KNDC1: variants seen among roughly 807,000 people sequenced by gnomAD.
KNDC1 encodes kinase non-catalytic C-lobe domain-containing protein 1.
KNDC1 carries 106 observed loss-of-function variants against 172.8 expected under a neutral mutation model. The observed-to-expected ratio is 0.61, with a 90% CI of 0.52 to 0.72. The LOEUF (loss-of-function observed/expected upper bound fraction) is 0.72, where lower values mean the gene tolerates loss of function less well. Ranked by LOEUF, KNDC1 falls within the 30% of genes least tolerant of loss-of-function variation. KNDC1 has a pLI of 0.00. For missense variants in KNDC1, 2,325 were observed against 2,394.5 expected (o/e 0.97, Z 0.61); for synonymous variants, 1,083 against 1,062.2 (o/e 1.02, Z -0.38).
chr10:133,185,162 G>A (rs910697574), intron 5 of KNDC1, among the ~76,000 whole-genome samples: 1 of 121,728 alleles, frequency 8.2e-6, no homozygotes, highest in Non-Finnish European at 1.9e-5. Flanking sequence ...GAGGGGCGCA[G>A]TGTGGAGTAG....
chr10:133,173,144 A>G (rs927633016), intron 3 of KNDC1, among the ~76,000 whole-genome samples: 22 of 152,142 alleles, frequency 1.4e-4, no homozygotes, highest in African/African-American at 4.1e-4. Flanking sequence ...GGTCACCCCA[A>G]TTCTCTGATT....
At chr10:133,181,330 G>A (rs779000655) in intron 3 of KNDC1, among the ~76,000 whole-genome samples, 5 of 152,242 alleles carry the variant, frequency 3.3e-5, no homozygotes, top group Non-Finnish European at 5.9e-5. Context: ...GCCCAGGCAC[G>A]AGAGGCTGGC....
intron 29 of KNDC1, among the ~76,000 whole-genome samples, chr10:133,220,562 T>A (rs111730794): frequency 9.2e-4 from 18 of 19,474 alleles, no homozygotes; most frequent in East Asian, 2.2e-3. Context: ...CGCGCCCAGG[T>A]GAGGAGGGGC....
Position 133,206,712 on chromosome 10 carries a change from A to G in KNDC1, c.3415A>G (p.Lys1139Glu), listed in dbSNP as rs1845203728. Residue 1139 changes from lysine to glutamate, a missense_variant, in exon 18 of 30, where the codon AAA (lysine) becomes GAA (glutamate). Coordinates refer to ENST00000304613, the MANE Select transcript of KNDC1 (RefSeq NM_152643.8). ...GCTGGAACAGCAGCTCATGATGGAG[A>G]AAAGAAACTACCGCAAGACCCTGAA... ...PELEQQLMME[K>E]RNYRKTLKFY... 6.2e-7 allele frequency: 1 copy of G among 1,613,886 alleles called. No individual in the cohort carries two copies. The highest frequency in any genetic ancestry group is 1.3e-5 in the African/African-American group (1 of 74,934).
chr10:133,184,276 C>A (rs1853821763), intron 5 of KNDC1, among the ~76,000 whole-genome samples: 1 of 57,302 alleles, frequency 1.7e-5, no homozygotes, highest in Non-Finnish European at 4.9e-5. Context: ...CACCCATGCA[C>A]ACACACGCTG....
chr10:133,197,827 C>A, intron 12 of KNDC1, 59 bp downstream of exon 12: 1 of 1,272,116 alleles, frequency 7.9e-7, no homozygotes, highest in Non-Finnish European at 1.1e-6. Flanking sequence ...ACCACAGCTG[C>A]CCCCACCTCT....
Position 133,219,823 on chromosome 10 carries a change from G to A in KNDC1, c.4861-132G>A, listed in dbSNP as rs902103348. Reference sequence around the variant, plus strand: ...ATTCGGGACTGGAAGCTAATTCAGAGAGCCGGGTAGACCCCGTGCGTGGAG... The same window carrying A: ...ATTCGGGACTGGAAGCTAATTCAGAAAGCCGGGTAGACCCCGTGCGTGGAG... On this transcript the variant is annotated intron_variant, in intron 28 of 29. Transcript: ENST00000304613. 3.4e-6 allele frequency: 3 copies of A among 876,470 alleles called. No individual in the cohort carries two copies. The African/African-American group carries it at 5.1e-5, about 15-fold the overall frequency. The allele number at this position is 876,470 out of a possible 1,614,324, so 54.3% of individuals were successfully genotyped here.
chr10:133,166,017 G>A (rs186197465), intron 1 of KNDC1, among the ~76,000 whole-genome samples: 26 of 152,338 alleles, frequency 1.7e-4, no homozygotes, highest in Middle Eastern at 3.4e-3. Flanking sequence ...AGGCCCCACC[G>A]GGCGCCCATG....
Position 133,209,363 on chromosome 10 carries a change from TG to T in KNDC1, c.3795-1247del, listed in dbSNP as rs1400044767. ...CGGTGTGGGGTATAGTGTGTGCACA[TG>T]TGGTGTGAGGTATAGTGTGGCATGT... On this transcript the variant is annotated intron_variant, in intron 20 of 29. Coordinates refer to ENST00000304613, the MANE Select transcript of KNDC1 (RefSeq NM_152643.8). The surrounding 1 kb of genome is among the most constrained non-coding windows in gnomAD (Gnocchi z 4.9). Among the ~76,000 whole-genome samples the T allele has an allele frequency of 4.6e-5, 7 of 150,678 alleles. No individual in the cohort carries two copies. The highest frequency in any genetic ancestry group is 1.5e-4 in the African/African-American group (6 of 40,826).
chr10:133,217,439 G>A (rs142466864), intron 26 of KNDC1, among the ~76,000 whole-genome samples: 3,252 of 152,306 alleles, frequency 0.021, 42 homozygotes, highest in Middle Eastern at 0.034. Flanking sequence ...AGTTGAGCCC[G>A]GGGGCAGGCG....
At chr10:133,184,294 A>G (rs1002940668) in intron 5 of KNDC1, among the ~76,000 whole-genome samples, 2 of 116,074 alleles carry the variant, frequency 1.7e-5, no homozygotes, top group African/African-American at 5.6e-5. Context: ...CTGCACACAC[A>G]CCCATGCACA....
intron 21 of KNDC1, among the ~76,000 whole-genome samples, chr10:133,210,926 C>T (rs989310176): frequency 1.3e-4 from 20 of 152,202 alleles, no homozygotes; most frequent in Non-Finnish European, 2.1e-4. Context: ...GGCAGGAGGG[C>T]GGTGGCCTGG....
At chr10:133,189,149 C>G (rs1854008294) in intron 7 of KNDC1, among the ~76,000 whole-genome samples, 1 of 152,172 alleles carries the variant, frequency 6.6e-6, no homozygotes, top group South Asian at 2.1e-4. Context: ...GACGGTGCAT[C>G]TGAGACGTAA....
chr10:133,188,462 C>G (rs912516292), intron 6 of KNDC1, 77 bp from the exon 7 acceptor site: 38 of 931,040 alleles, frequency 4.1e-5, no homozygotes, highest in Non-Finnish European at 6.2e-5. Flanking sequence ...CCTGGCCTGT[C>G]CCCCGGACAT....
At chr10:133,211,097 C>G (rs948167637) in intron 21 of KNDC1, among the ~76,000 whole-genome samples, 1 of 152,006 alleles carries the variant, frequency 6.6e-6, no homozygotes, top group African/African-American at 2.4e-5. Flanking sequence ...CAGCCTCCCT[C>G]GGTACCCATG....
intron 3 of KNDC1, among the ~76,000 whole-genome samples, chr10:133,175,585 A>ATGGATGGATGGATGGATG (rs1564877318): frequency 6.8e-6 from 1 of 146,306 alleles, no homozygotes; most frequent in Non-Finnish European, 1.5e-5. Context: ...ATGGATGGGT[A>ATGGATGGATGGATGGATG]GATGGATGGA....
In KNDC1 at chr10:133,164,497, A is replaced by G. The variant is rs374294591; in HGVS notation, c.103-2884A>G. Among the ~76,000 whole-genome samples, 72 of 151,992 alleles carry G rather than the reference A, an allele frequency of 4.7e-4. No homozygotes were observed. In the East Asian group the frequency reaches 0.013, roughly 28 times the overall value. On this transcript the variant is annotated intron_variant, in intron 1 of 29. Coordinates refer to ENST00000304613, the MANE Select transcript of KNDC1 (RefSeq NM_152643.8). ...AGGTGCGCAGGAGGCGGCGCTGGGCAGACAGACAGGCGTCGGCCAGCTGAG... is the reference window on the plus strand; with the variant it reads ...AGGTGCGCAGGAGGCGGCGCTGGGCGGACAGACAGGCGTCGGCCAGCTGAG...
rs372263284 is a variant in KNDC1, at chr10:133,212,834, C to T, written c.4355C>T (p.Pro1452Leu). Reference protein sequence around the residue: ...KPCFLEDFYGPCAKTSEKGPY... With the variant: ...KPCFLEDFYGLCAKTSEKGPY... ...TGCTTCCTCGAGGACTTCTACGGCC[C>T]CTGCGCCAAGACCAGTGAGAAGGGG... is the stretch of plus-strand genomic sequence containing the variant. Residue 1452 changes from proline (P) to leucine (L), a missense_variant, in exon 24 of 30, where the codon CCC (proline) becomes CTC (leucine). Physicochemically the swap from Pro to Leu is moderately conservative, Grantham distance 98. Transcript: ENST00000304613. The T allele has an allele frequency of 1.2e-6, 2 of 1,613,906 alleles. No individual in the cohort carries two copies. The highest frequency in any genetic ancestry group is 1.7e-6 in the Non-Finnish European group (2 of 1,179,976).
intron 2 of KNDC1, 39 bp downstream of exon 2, chr10:133,167,618 C>T (rs750533534): frequency 2.1e-5 from 32 of 1,541,080 alleles, no homozygotes; most frequent in East Asian, 4.9e-5. Flanking sequence ...GGCGGGCACG[C>T]GGGGTGGAGG....
Sources: gnomAD v4.1 joint callset for allele counts (sites outside exome capture counted in the v4.1 genomes callset) on GRCh38, gnomAD v4.1.1 for gene constraint, Gnocchi (gnomAD v3.1) non-coding constraint, MANE v1.5 for transcripts, NCBI Gene and HGNC (gene_info 2026-07-23, HGNC 2026-07-21) for gene names.